The following BAIAP2 variants were observed in gnomAD, a reference collection of about 807,000 sequenced individuals.
The protein encoded by BAIAP2 is BAR/IMD domain containing adaptor protein 2, also known as BAR/IMD domain-containing adapter protein 2.
A neutral mutation model predicts 63.0 loss-of-function variants in BAIAP2; 18 were observed. The observed-to-expected ratio is 0.29, with a 90% CI of 0.20 to 0.42. BAIAP2 has a LOEUF of 0.42. Ranked by LOEUF, BAIAP2 falls within the 10% of genes least tolerant of loss-of-function variation. The pLI, the probability that BAIAP2 is intolerant of heterozygous loss-of-function variation, is 1.00. For synonymous variants in BAIAP2, 386 were observed against 307.6 expected, an observed-to-expected ratio of 1.25 and a Z score of -2.67; for missense variants, 610 against 734.3, an observed-to-expected ratio of 0.83 and a Z score of 1.96.
At chr17:81,104,786 A>C in intron 10 of BAIAP2, 71 bp downstream of exon 10, 3 of 1,432,974 alleles carry the variant, frequency 2.1e-6, no homozygotes, top group Non-Finnish European at 1.9e-6. Context: ...GCGACACTCA[A>C]GTGCACTGAG....
At chr17:81,077,444 T>G (rs1469161957) in intron 3 of BAIAP2, among the ~76,000 whole-genome samples, 1 of 152,050 alleles carries the variant, frequency 6.6e-6, no homozygotes, top group Non-Finnish European at 1.5e-5. Flanking sequence ...GGCGCACATC[T>G]GCAGTCCCAG....
At chr17:81,073,107 GCT>G in intron 3 of BAIAP2, among the ~76,000 whole-genome samples, 1 of 152,184 alleles carries the variant, frequency 6.6e-6, no homozygotes, top group Admixed American at 6.5e-5. Flanking sequence ...GTGGGTTGAA[GCT>G]CTCTTCGTAG....
chr17:81,063,360 CG>C (rs1468658083), intron 3 of BAIAP2, among the ~76,000 whole-genome samples: 8 of 152,210 alleles, frequency 5.3e-5, no homozygotes, highest in African/African-American at 1.7e-4. Context: ...TTGCCACACG[CG>C]GATGCCTTCG....
rs568509726 is a variant in BAIAP2 at position 81,101,106 on chromosome 17, G to A, written c.642+1026G>A. Among the ~76,000 whole-genome samples the A allele has an allele frequency of 1.5e-3, 233 of 151,070 alleles. 2 individuals are homozygous for A. Among genetic ancestry groups the A allele is most frequent in the African/African-American group, 4.9e-3 (204 of 41,380 alleles). On this transcript the variant is annotated intron_variant, in intron 7 of 13. Coordinates refer to ENST00000428708, the MANE Select transcript of BAIAP2 (RefSeq NM_001144888.2). ...TAGGTGTCCCCCGGCACAGTCCTGC[G>A]GCCCTGTGTCTCCCGCTAGGCGTCC...
intron 1 of BAIAP2, among the ~76,000 whole-genome samples, chr17:81,051,611 G>T (rs1270877019): frequency 6.6e-6 from 1 of 152,152 alleles, no homozygotes; most frequent in Non-Finnish European, 1.5e-5. Flanking sequence ...TGGCCAGGAT[G>T]GTCTCCATCT....
intron 7 of BAIAP2, 23 bp downstream of exon 7, chr17:81,100,103 T>C: frequency 1.3e-6 from 2 of 1,597,646 alleles, no homozygotes; most frequent in Non-Finnish European, 1.7e-6. Context: ...GGGGCTGCGC[T>C]GTGCCGGCGC....
At chr17:81,091,226 G>A (rs1303034362) in intron 6 of BAIAP2, among the ~76,000 whole-genome samples, 1 of 103,126 alleles carries the variant, frequency 9.7e-6, no homozygotes, top group African/African-American at 3.5e-5. Context: ...CCTCCTAGCT[G>A]TCCCTAACTC....
In BAIAP2 at chr17:81,060,769, C is replaced by T. The variant is rs546985702; in HGVS notation, c.217+2802C>T. Among the ~76,000 whole-genome samples, 14 of 152,258 alleles carry T rather than the reference C, an allele frequency of 9.2e-5. No homozygotes were observed. In the East Asian group the frequency reaches 1.7e-3, roughly 19 times the overall value. ...GTGGCCAAGTCCTACTGCACAGAGGCGGCTCCCTCGGCTGCGTGTCTAAGA... is the reference window on the plus strand; with the variant it reads ...GTGGCCAAGTCCTACTGCACAGAGGTGGCTCCCTCGGCTGCGTGTCTAAGA... On this transcript the variant is annotated intron_variant, in intron 3 of 13. Transcript: ENST00000428708.
chr17:81,054,944 C>T (rs1446431134), intron 2 of BAIAP2, among the ~76,000 whole-genome samples: 1 of 152,086 alleles, frequency 6.6e-6, no homozygotes, highest in Non-Finnish European at 1.5e-5. Flanking sequence ...TGGACAGTGA[C>T]CCCCGGTCTC....
Position 81,103,912 on chromosome 17 carries a change from G to A in BAIAP2, c.870G>A (p.Met290Ile). 6.2e-7 allele frequency: 1 copy of A among 1,612,930 alleles called. No individual in the cohort carries two copies. The highest frequency in any genetic ancestry group is 1.3e-5 in the African/African-American group (1 of 75,064). ...CTCTGCCTGCTTCCCTGCAGCGGAT[G>A]TCTGCCCAGGAGAGCACACCCATCA... ...PPELAPFVGR[M>I]SAQESTPIMN... Residue 290 changes from methionine (M) to isoleucine (I), a missense_variant, in exon 9 of 14, where the codon ATG (methionine) becomes ATA (isoleucine). Coordinates refer to ENST00000428708, the MANE Select transcript of BAIAP2 (RefSeq NM_001144888.2).
chr17:81,088,283 G>C (rs1236052061), intron 6 of BAIAP2, among the ~76,000 whole-genome samples: 2 of 152,154 alleles, frequency 1.3e-5, no homozygotes, highest in South Asian at 2.1e-4. Flanking sequence ...CTGGGGATGG[G>C]GATACTGAGG....
intron 10 of BAIAP2, chr17:81,105,010 C>A: frequency 3.0e-6 from 1 of 332,216 alleles, no homozygotes. Flanking sequence ...GGGATCTCCC[C>A]CAATGGCAGG....
rs1555650038 is a variant in BAIAP2 at position 81,035,315 on chromosome 17, G to GC, written c.54+13dup. 1.3e-5 allele frequency: 18 copies of GC among 1,432,392 alleles called. No homozygotes were observed. The highest frequency in any genetic ancestry group is 6.4e-5 in the East Asian group (2 of 31,358). The allele number at this position is 1,432,392 out of a possible 1,614,324, so 88.7% of individuals were successfully genotyped here. ...CACGGAAAATGTCTATAAGGTGAGC[G>GC]CCCCCCGGCGCCGAGCTGAGCCCGC... On this transcript the variant is annotated splice_region_variant and intron_variant, in intron 1 of 13. Transcript: ENST00000428708.
intron 3 of BAIAP2, among the ~76,000 whole-genome samples, chr17:81,069,744 C>T (rs150512523): frequency 6.7e-4 from 102 of 152,320 alleles, no homozygotes; most frequent in Admixed American, 1.8e-3. Context: ...CTGGCCAGTA[C>T]GTTCCTAGGC....
intron 1 of BAIAP2, among the ~76,000 whole-genome samples, chr17:81,040,527 AG>A (rs1449737954): frequency 6.6e-6 from 1 of 152,214 alleles, no homozygotes; most frequent in African/African-American, 2.4e-5. Context: ...TGTGACTGCA[AG>A]GGCTTGATCT....
chr17:81,108,199 C>T (rs867910858), intron 12 of BAIAP2: 4 of 524,450 alleles, frequency 7.6e-6, no homozygotes, highest in Middle Eastern at 9.6e-4. Context: ...GCCAGTCTTG[C>T]ATCTGTTTGG....
chr17:81,055,684 G>C (rs1319375391), intron 2 of BAIAP2, among the ~76,000 whole-genome samples: 1 of 150,984 alleles, frequency 6.6e-6, no homozygotes, highest in African/African-American at 2.4e-5. Context: ...TCCTGCCTCA[G>C]CCTCCCGAGT....
chr17:81,044,852 C>G (rs1204536576), intron 1 of BAIAP2, among the ~76,000 whole-genome samples: 1 of 152,256 alleles, frequency 6.6e-6, no homozygotes, highest in Non-Finnish European at 1.5e-5. Flanking sequence ...CAGCTCAGTG[C>G]TGGCCACAGG....
At chr17:81,040,947 C>T (rs2046993846) in intron 1 of BAIAP2, among the ~76,000 whole-genome samples, 1 of 152,166 alleles carries the variant, frequency 6.6e-6, no homozygotes, top group African/African-American at 2.4e-5. Flanking sequence ...GGAGGTAGGG[C>T]CTGAGCCCAT....
Sources: gnomAD v4.1 joint callset for allele counts (sites outside exome capture counted in the v4.1 genomes callset) on GRCh38, gnomAD v4.1.1 for gene constraint, MANE v1.5 for transcripts, NCBI Gene and HGNC (gene_info 2026-07-23, HGNC 2026-07-21) for gene names.